Variants in HERC3 observed in about 807,000 individuals in gnomAD.
HERC3 encodes probable E3 ubiquitin-protein ligase HERC3.
Under a neutral mutation model 129.9 loss-of-function variants are expected in HERC3, and 58 were observed. That is an observed-to-expected ratio of 0.45 (90% CI 0.36 to 0.56). The LOEUF (loss-of-function observed/expected upper bound fraction) is 0.56, where lower values mean the gene tolerates loss of function less well. Among genes scored for constraint, HERC3 ranks in the 20% least tolerant of loss-of-function variants. HERC3 has a pLI of 0.00. For missense variants in HERC3, 835 were observed against 1,244.2 expected (o/e 0.67, Z 4.95); for synonymous variants, 430 against 451.0 (o/e 0.95, Z 0.59).
intron 1 of HERC3, among the ~76,000 whole-genome samples, chr4:88,594,044 AGGTT>A (rs1380866052): frequency 6.6e-6 from 1 of 152,168 alleles, no homozygotes; most frequent in African/African-American, 2.4e-5. Flanking sequence ...CAAGGAGGAC[AGGTT>A]AGAAACCTCT....
At chr4:88,634,851 C>T (rs1274528479) in intron 3 of HERC3, among the ~76,000 whole-genome samples, 2 of 152,170 alleles carry the variant, frequency 1.3e-5, no homozygotes, top group Admixed American at 6.5e-5. Context: ...TTTCCAGATG[C>T]AGGAGTGAAC....
intron 12 of HERC3, among the ~76,000 whole-genome samples, chr4:88,667,167 G>A (rs766926029): frequency 1.3e-5 from 2 of 152,166 alleles, no homozygotes; most frequent in African/African-American, 4.8e-5. Context: ...AGGAATTCCA[G>A]TGTGGTTTAT....
chr4:88,699,655 T>C (rs960501859), intron 23 of HERC3, among the ~76,000 whole-genome samples: 3 of 152,002 alleles, frequency 2.0e-5, no homozygotes, highest in African/African-American at 7.3e-5. Context: ...ACAGGCCTTT[T>C]GACCCCTATA....
intron 3 of HERC3, among the ~76,000 whole-genome samples, chr4:88,610,562 C>T (rs1193088061): frequency 1.3e-5 from 2 of 152,072 alleles, no homozygotes; most frequent in East Asian, 1.9e-4. Context: ...CTGGTTCACA[C>T]GCCTCTGACG....
At chr4:88,645,500 C>T (rs1455745499) in intron 3 of HERC3, among the ~76,000 whole-genome samples, 2 of 152,076 alleles carry the variant, frequency 1.3e-5, no homozygotes, top group Admixed American at 6.6e-5. Context: ...TTTGTATATA[C>T]TGTATATAGT....
intron 3 of HERC3, among the ~76,000 whole-genome samples, chr4:88,621,209 C>T (rs900344161): frequency 1.3e-5 from 2 of 152,046 alleles, no homozygotes; most frequent in South Asian, 4.1e-4. Context: ...TGGGTTCAAG[C>T]GATTCTCCTG....
At chr4:88,610,732 A>G (rs960513911) in intron 3 of HERC3, among the ~76,000 whole-genome samples, 5 of 152,202 alleles carry the variant, frequency 3.3e-5, no homozygotes, top group Admixed American at 1.3e-4. Flanking sequence ...CTGGGGTAGC[A>G]GCTGGGAAAG....
At chr4:88,561,163 A>T in the HERC3 span, among the ~76,000 whole-genome samples, 3 of 151,790 alleles carry the variant, frequency 2.0e-5, no homozygotes, top group Non-Finnish European at 4.4e-5. Context: ...CTGAGAGATT[A>T]TGTGTGACCG....
At chr4:88,555,514 G>A in the HERC3 span, among the ~76,000 whole-genome samples, 1 of 152,246 alleles carries the variant, frequency 6.6e-6, no homozygotes, top group African/African-American at 2.4e-5. Flanking sequence ...TATGCTACAA[G>A]TGAAAATTTG....
the HERC3 span, among the ~76,000 whole-genome samples, chr4:88,546,398 G>A: frequency 1.3e-5 from 2 of 152,120 alleles, no homozygotes; most frequent in Non-Finnish European, 2.9e-5. Context: ...TATATGCCAG[G>A]AAAAAGGAGA....
At chr4:88,703,773 A>G (rs1397010230) in intron 23 of HERC3, among the ~76,000 whole-genome samples, 1 of 152,154 alleles carries the variant, frequency 6.6e-6, no homozygotes. Context: ...TTTTTTCCAC[A>G]CTAAATTTTA....
At chr4:88,670,843 A>T (rs1731537373) in intron 16 of HERC3, among the ~76,000 whole-genome samples, 1 of 151,892 alleles carries the variant, frequency 6.6e-6, no homozygotes, top group Non-Finnish European at 1.5e-5. Context: ...TTCAAGAGTG[A>T]CTCTTTAGAT....
chr4:88,559,904 A>C, the HERC3 span, among the ~76,000 whole-genome samples: 1 of 152,112 alleles, frequency 6.6e-6, no homozygotes, highest in Middle Eastern at 3.5e-3. Context: ...CATTTCCACT[A>C]ACAGCACACA....
chr4:88,535,230 C>A, the HERC3 span, among the ~76,000 whole-genome samples: 3 of 152,194 alleles, frequency 2.0e-5, no homozygotes, highest in Admixed American at 6.5e-5. Context: ...CAGAGACCAA[C>A]CTTGAACTTA....
At chr4:88,702,048 C>G (rs1266508954) in intron 23 of HERC3, among the ~76,000 whole-genome samples, 1 of 152,144 alleles carries the variant, frequency 6.6e-6, no homozygotes, top group Non-Finnish European at 1.5e-5. Flanking sequence ...CCTGCCTCAG[C>G]CTCCCAAAGT....
At chr4:88,609,066 A>G (rs1723991708) in intron 3 of HERC3, among the ~76,000 whole-genome samples, 1 of 145,460 alleles carries the variant, frequency 6.9e-6, no homozygotes, top group African/African-American at 2.6e-5. Flanking sequence ...AGGCCAGAGG[A>G]TTGCTTGCCA....
At chr4:88,575,135 C>A in the HERC3 span, among the ~76,000 whole-genome samples, 1 of 152,144 alleles carries the variant, frequency 6.6e-6, no homozygotes, top group Admixed American at 6.5e-5. Flanking sequence ...TTTTGAAAAG[C>A]CTTTATTGGA....
At chr4:88,601,773 G>GAAT (rs1444346062) in intron 2 of HERC3, among the ~76,000 whole-genome samples, 1 of 150,480 alleles carries the variant, frequency 6.6e-6, no homozygotes, top group African/African-American at 2.5e-5. Context: ...AGGATATTCA[G>GAAT]GGGCCGGGCG....
At chr4:88,633,598 A>G (rs1727013842) in intron 3 of HERC3, among the ~76,000 whole-genome samples, 1 of 152,214 alleles carries the variant, frequency 6.6e-6, no homozygotes, top group African/African-American at 2.4e-5. Context: ...TATTTAACAC[A>G]AAAGAAGGCA....
Sources: allele counts gnomAD v4.1 joint callset (sites outside exome capture counted in the v4.1 genomes callset), GRCh38; gene constraint gnomAD v4.1.1; transcripts MANE v1.5; gene names NCBI Gene and HGNC (gene_info 2026-07-23, HGNC 2026-07-21).